PLCB1: variants seen among roughly 807,000 people sequenced by gnomAD.
The protein encoded by PLCB1 is phospholipase C beta 1, also known as 1-phosphatidylinositol 4,5-bisphosphate phosphodiesterase beta-1.
In PLCB1, 46 loss-of-function variants were observed where a neutral mutation model predicts 161.8. The observed-to-expected ratio is 0.28, with a 90% CI of 0.22 to 0.36. The LOEUF (loss-of-function observed/expected upper bound fraction) is 0.36. PLCB1 is among the 10% of genes least tolerant of loss of function. The probability of loss-of-function intolerance (pLI) is 1.00; values close to 1 mark genes in which losing one functional copy is unlikely to be tolerated. For missense variants in PLCB1, 1,016 were observed against 1,472.5 expected, an observed-to-expected ratio of 0.69 and a Z score of 5.07; for synonymous variants, 517 against 503.7, an observed-to-expected ratio of 1.03 and a Z score of -0.35.
chr20:8,879,731 A>G (rs1987905757), intron 31 of PLCB1, among the ~76,000 whole-genome samples: 1 of 152,206 alleles, frequency 6.6e-6, no homozygotes, highest in South Asian at 2.1e-4. Context: ...TGAGAGTGAA[A>G]GGAGTTGAAC....
chr20:8,642,452 G>T (rs1988985730), intron 4 of PLCB1, among the ~76,000 whole-genome samples: 2 of 152,158 alleles, frequency 1.3e-5, no homozygotes, highest in Admixed American at 1.3e-4. Flanking sequence ...AATGTGTTCA[G>T]CCAGGTGAGG....
At chr20:8,775,868 G>C (rs1982918074) in intron 27 of PLCB1, among the ~76,000 whole-genome samples, 1 of 152,110 alleles carries the variant, frequency 6.6e-6, no homozygotes. Context: ...TAAATGTGAG[G>C]CTCAGGATTT....
chr20:8,503,891 T>C (rs1848639203), intron 3 of PLCB1, among the ~76,000 whole-genome samples: 1 of 152,196 alleles, frequency 6.6e-6, no homozygotes, highest in Non-Finnish European at 1.5e-5. Flanking sequence ...TTCACTCGCC[T>C]AATATCTAAA....
chr20:8,273,793 G>T (rs1281883696), intron 2 of PLCB1, among the ~76,000 whole-genome samples: 3 of 152,140 alleles, frequency 2.0e-5, no homozygotes, highest in East Asian at 3.8e-4. Context: ...CATATGAATT[G>T]TTTCTAAAAT....
chr20:8,353,274 G>T (rs1422598399), intron 2 of PLCB1, among the ~76,000 whole-genome samples: 1 of 152,176 alleles, frequency 6.6e-6, no homozygotes, highest in East Asian at 1.9e-4. Flanking sequence ...ATATTAGATT[G>T]CAACTCAAAG....
intron 31 of PLCB1, among the ~76,000 whole-genome samples, chr20:8,803,336 C>T (rs1447078636): frequency 3.9e-5 from 6 of 152,004 alleles, no homozygotes; most frequent in Non-Finnish European, 5.9e-5. Context: ...ACATTCCTAC[C>T]TCCAGGCTTA....
chr20:8,851,490 C>T (rs561693040), intron 31 of PLCB1, among the ~76,000 whole-genome samples: 28 of 152,264 alleles, frequency 1.8e-4, no homozygotes, highest in African/African-American at 5.8e-4. Flanking sequence ...ACTTTCAGTT[C>T]GAAGTGCCTT....
intron 3 of PLCB1, among the ~76,000 whole-genome samples, chr20:8,521,924 C>A (rs1984364232): frequency 6.6e-6 from 1 of 152,148 alleles, no homozygotes; most frequent in African/African-American, 2.4e-5. Context: ...CTATATTCTC[C>A]TTCTTTCTTA....
At chr20:8,176,190 C>A (rs1440605492) in intron 2 of PLCB1, among the ~76,000 whole-genome samples, 1 of 152,140 alleles carries the variant, frequency 6.6e-6, no homozygotes, top group Non-Finnish European at 1.5e-5. Context: ...AAAATCTGTA[C>A]ACAAATATTC....
intron 3 of PLCB1, among the ~76,000 whole-genome samples, chr20:8,612,391 C>T (rs766609588): frequency 1.3e-5 from 2 of 152,138 alleles, no homozygotes; most frequent in African/African-American, 2.4e-5. Flanking sequence ...AAGAAGGCAG[C>T]TCTCAAGCCC....
Position 8,697,648 on chromosome 20 carries a change from C to T in PLCB1, c.1032C>T (p.Ser344=), listed in dbSNP as rs1223835256. 1 of 1,614,168 alleles carries T rather than the reference C, an allele frequency of 6.2e-7. No homozygotes were observed. The highest frequency in any genetic ancestry group is 1.7e-5 in the Admixed American group (1 of 60,016). Residue 344 remains serine (S), a synonymous_variant, in exon 11 of 32, where the codon TCC becomes TCT. Transcript: ENST00000338037. ...TAGCTGGCCAACTGGCTGGAAACTC[C>T]TCTGTTGAGATGTATCGCCAAGTGC... The part of the protein sequence containing the change: ...YLTAGQLAGN[S]SVEMYRQVLL...
At chr20:8,702,119 T>C (rs1158127029) in intron 11 of PLCB1, among the ~76,000 whole-genome samples, 1 of 152,218 alleles carries the variant, frequency 6.6e-6, no homozygotes, top group Non-Finnish European at 1.5e-5. Context: ...GTTTACTGTA[T>C]GGGTCAAAAT....
At chr20:8,262,848 A>G (rs1343361421) in intron 2 of PLCB1, among the ~76,000 whole-genome samples, 1 of 151,302 alleles carries the variant, frequency 6.6e-6, no homozygotes, top group Admixed American at 6.6e-5. Flanking sequence ...TTGTTTGTGT[A>G]TGAGGGAGAA....
At chr20:8,342,205 G>A (rs1261373917) in intron 2 of PLCB1, among the ~76,000 whole-genome samples, 5 of 152,202 alleles carry the variant, frequency 3.3e-5, no homozygotes, top group Non-Finnish European at 7.3e-5. Flanking sequence ...ATTTTGCATC[G>A]AGTGTGCAAA....
At chr20:8,490,899 C>CATATAT (rs568550757) in intron 3 of PLCB1, among the ~76,000 whole-genome samples, 4 of 148,616 alleles carry the variant, frequency 2.7e-5, no homozygotes, top group African/African-American at 7.4e-5. Flanking sequence ...TATATGTACA[C>CATATAT]ATATATATGT....
At chr20:8,188,316 C>CAAA (rs1381824076) in intron 2 of PLCB1, among the ~76,000 whole-genome samples, 1 of 152,072 alleles carries the variant, frequency 6.6e-6, no homozygotes, top group East Asian at 1.9e-4. Context: ...AGCCCAACAT[C>CAAA]AAATGGTCTA....
chr20:8,174,479 CAGAA>C (rs1386171859), intron 2 of PLCB1, among the ~76,000 whole-genome samples: 1 of 151,938 alleles, frequency 6.6e-6, no homozygotes, highest in African/African-American at 2.4e-5. Context: ...TTTTATAAAA[CAGAA>C]AGGAAAGTAT....
intron 22 of PLCB1, 105 bp from the exon 23 acceptor site, chr20:8,741,359 T>C: frequency 1.4e-6 from 1 of 711,184 alleles, no homozygotes; most frequent in East Asian, 2.8e-5. Flanking sequence ...AGATGGGTGA[T>C]GAATGAATGC....
rs541759752 is a variant in PLCB1, at chr20:8,246,278, T to A, written c.177+95907T>A. On this transcript the variant is annotated intron_variant, in intron 2 of 31. Coordinates refer to ENST00000338037, the MANE Select transcript of PLCB1 (RefSeq NM_015192.4). ...TTAGCAGCAGGGTTCTTCTGTTGCATCTGGGCTCATTCAAGCATCTATGAT... is the reference window on the plus strand; with the variant it reads ...TTAGCAGCAGGGTTCTTCTGTTGCAACTGGGCTCATTCAAGCATCTATGAT... Among the ~76,000 whole-genome samples, 135 of 152,100 alleles carry A rather than the reference T, an allele frequency of 8.9e-4. 1 individual carries two copies. Among genetic ancestry groups the A allele is most frequent in the African/African-American group, 3.2e-3 (132 of 41,552 alleles).
Sources: allele counts gnomAD v4.1 joint callset (sites outside exome capture counted in the v4.1 genomes callset), GRCh38; gene constraint gnomAD v4.1.1; transcripts MANE v1.5; gene names NCBI Gene and HGNC (gene_info 2026-07-23, HGNC 2026-07-21).